PREP: variants seen among roughly 807,000 people sequenced by gnomAD.
PREP encodes the protein dJ355L5.1 (prolyl endopeptidase).
A neutral mutation model predicts 87.6 loss-of-function variants in PREP; 29 were observed. The observed-to-expected ratio is 0.33, with a 90% CI of 0.25 to 0.45. The LOEUF is 0.45. PREP is among the 20% of genes least tolerant of loss of function. The pLI is 1.00. For missense variants in PREP, 695 were observed against 886.5 expected, an observed-to-expected ratio of 0.78 and a Z score of 2.74; for synonymous variants, 337 against 328.6, an observed-to-expected ratio of 1.03 and a Z score of -0.28.
At chr6:105,367,060 G>A (rs1490195031) in intron 6 of PREP, among the ~76,000 whole-genome samples, 2 of 152,122 alleles carry the variant, frequency 1.3e-5, no homozygotes, top group East Asian at 3.9e-4. Flanking sequence ...TAATGCCACT[G>A]AACTTGTAAG....
At chr6:105,326,896 C>T (rs1305954577) in intron 9 of PREP, among the ~76,000 whole-genome samples, 1 of 152,222 alleles carries the variant, frequency 6.6e-6, no homozygotes, top group African/African-American at 2.4e-5. Context: ...GAGGAACACA[C>T]TTCTCTTTTC....
chr6:105,297,808 C>G (rs893600104), intron 10 of PREP, among the ~76,000 whole-genome samples: 4 of 152,130 alleles, frequency 2.6e-5, no homozygotes, highest in Admixed American at 2.0e-4. Flanking sequence ...TCCAGTTCAA[C>G]AAGGAGCCTG....
chr6:105,283,113 G>A (rs966019810), intron 12 of PREP, among the ~76,000 whole-genome samples: 3 of 152,216 alleles, frequency 2.0e-5, no homozygotes, highest in African/African-American at 4.8e-5. Context: ...GGTCGGTGAT[G>A]GGGAGAAAGA....
At chr6:105,372,100 C>T (rs750183628) in intron 5 of PREP, among the ~76,000 whole-genome samples, 27 of 151,318 alleles carry the variant, frequency 1.8e-4, no homozygotes, top group Non-Finnish European at 3.5e-4. Flanking sequence ...AATTCATTGG[C>T]GAATTTATAA....
chr6:105,329,082 C>T (rs1238082573), intron 8 of PREP, 56 bp from the exon 9 acceptor site: 16 of 1,480,240 alleles, frequency 1.1e-5, no homozygotes, highest in Non-Finnish European at 1.4e-5. Flanking sequence ...AATGAAAACA[C>T]ATTTAATTGA....
At chr6:105,389,125 A>C (rs2114727780) in intron 2 of PREP, among the ~76,000 whole-genome samples, 1 of 152,384 alleles carries the variant, frequency 6.6e-6, no homozygotes, top group African/African-American at 2.4e-5. Context: ...AGGAGACTAG[A>C]GTCAGAAAGT....
intron 5 of PREP, among the ~76,000 whole-genome samples, chr6:105,372,079 G>A (rs1772573089): frequency 6.6e-6 from 1 of 151,994 alleles, no homozygotes; most frequent in South Asian, 2.1e-4. Flanking sequence ...CCTACTTTTA[G>A]CTCATCTTGT....
At chr6:105,354,445 G>A (rs1393354489) in intron 6 of PREP, among the ~76,000 whole-genome samples, 1 of 151,768 alleles carries the variant, frequency 6.6e-6, no homozygotes, top group Non-Finnish European at 1.5e-5. Flanking sequence ...CCCTTATTAT[G>A]AGGGTTAATT....
At chr6:105,364,149 G>A (rs1772322942) in intron 6 of PREP, among the ~76,000 whole-genome samples, 1 of 152,192 alleles carries the variant, frequency 6.6e-6, no homozygotes, top group South Asian at 2.1e-4. Flanking sequence ...GCTGGGTAGA[G>A]GGCGAAAGCA....
intron 4 of PREP, among the ~76,000 whole-genome samples, chr6:105,374,797 A>T (rs1772647357): frequency 6.6e-6 from 1 of 151,692 alleles, no homozygotes; most frequent in Admixed American, 6.6e-5. Context: ...CTTTTGTGAT[A>T]ACTTCCCTAT....
chr6:105,283,742 T>G (rs2114612110), intron 12 of PREP, among the ~76,000 whole-genome samples: 1 of 152,316 alleles, frequency 6.6e-6, no homozygotes, highest in Non-Finnish European at 1.5e-5. Flanking sequence ...ATGGCCTAAA[T>G]TTTGAGGAAG....
intron 10 of PREP, chr6:105,302,819 G>C (rs548985632): frequency 1.7e-5 from 7 of 420,326 alleles, no homozygotes; most frequent in Non-Finnish European, 3.2e-5. Flanking sequence ...CTTGATCTTA[G>C]CCATTGCTGC....
intron 7 of PREP, among the ~76,000 whole-genome samples, chr6:105,336,348 G>T (rs559022324): frequency 9.7e-4 from 148 of 152,304 alleles, no homozygotes; most frequent in African/African-American, 3.5e-3. Context: ...TGCTAAACAT[G>T]CCTATTAGGT....
At position 105,348,865 on chromosome 6, in the gene PREP, C is replaced by A. The variant is rs1431199722; in HGVS notation, c.823+4107G>T. Among the ~76,000 whole-genome samples, 5 of 145,254 alleles carry A rather than the reference C, an allele frequency of 3.4e-5. No homozygotes were observed. In the East Asian group the frequency reaches 6.0e-4, roughly 17 times the overall value. ...CTGCACTCCAGCCTGGGTGACAGAG[C>A]AAGATTCCGTCTCAAAAAAAAAAAA... On this transcript the variant is annotated intron_variant, in intron 7 of 14. Transcript: ENST00000652536.
At chr6:105,334,060 C>T (rs755893719) in intron 7 of PREP, among the ~76,000 whole-genome samples, 2 of 152,188 alleles carry the variant, frequency 1.3e-5, no homozygotes, top group Non-Finnish European at 2.9e-5. Flanking sequence ...TCTACAGTGC[C>T]AAGTCTGAGA....
chr6:105,329,112 A>AC, intron 8 of PREP, 86 bp from the exon 9 acceptor site: 1 of 1,260,462 alleles, frequency 7.9e-7, no homozygotes, highest in South Asian at 1.3e-5. Context: ...CCAGAGCTAC[A>AC]CATAGGGCTA....
chr6:105,364,280 A>C (rs1372271272), intron 6 of PREP, among the ~76,000 whole-genome samples: 1 of 152,234 alleles, frequency 6.6e-6, no homozygotes, highest in Non-Finnish European at 1.5e-5. Context: ...TCGTCCCGGG[A>C]AGACACGCTG....
chr6:105,364,297 C>T (rs556647845), intron 6 of PREP, among the ~76,000 whole-genome samples: 9 of 152,192 alleles, frequency 5.9e-5, no homozygotes, highest in Admixed American at 2.6e-4. Flanking sequence ...GCTGTCACAG[C>T]GTGACGGAGG....
chr6:105,353,143 A>C, intron 6 of PREP, 66 bp from the exon 7 acceptor site: 1 of 1,289,228 alleles, frequency 7.8e-7, no homozygotes, highest in South Asian at 1.3e-5. Flanking sequence ...ACATTATTGA[A>C]TATTAAGTTA....
Sources: allele counts gnomAD v4.1 joint callset (sites outside exome capture counted in the v4.1 genomes callset), GRCh38; gene constraint gnomAD v4.1.1; transcripts MANE v1.5; gene names NCBI Gene and HGNC (gene_info 2026-07-23, HGNC 2026-07-21).